The following CCDC7 variants were observed in gnomAD, a reference collection of about 807,000 sequenced individuals.
CCDC7 encodes coiled-coil domain-containing protein 7.
In CCDC7, 183 loss-of-function variants were observed where a neutral mutation model predicts 196.9. The ratio of observed to expected loss-of-function variants is 0.93; its 90% CI spans 0.82 to 1.05. The LOEUF (loss-of-function observed/expected upper bound fraction) is 1.05. CCDC7 is among the 50% of genes least tolerant of loss of function. The pLI is 0.00. For missense variants in CCDC7, 1,540 were observed against 1,482.2 expected (o/e 1.04, Z -0.64); for synonymous variants, 525 against 484.6 (o/e 1.08, Z -1.10).
At chr10:32,834,943 G>T (rs370898489) in intron 33 of CCDC7, 45 bp downstream of exon 34, 235 of 779,574 alleles carry the variant, frequency 3.0e-4, no homozygotes, top group Admixed American at 9.2e-4. Context: ...GGCTTATTTA[G>T]CTCTGAAGTT....
chr10:32,452,982 C>T (rs540656717), intron 1 of CCDC7, among the ~76,000 whole-genome samples: 44 of 152,224 alleles, frequency 2.9e-4, no homozygotes, highest in Non-Finnish European at 4.6e-4. Flanking sequence ...TGGTCTCCAT[C>T]TTTCTATTTC....
intron 20 of CCDC7, among the ~76,000 whole-genome samples, chr10:32,663,335 A>T (rs955660277): frequency 2.0e-5 from 3 of 152,194 alleles, no homozygotes; most frequent in African/African-American, 7.2e-5. Flanking sequence ...AGTGCTAGGA[A>T]CATGCTTAGA....
intron 28 of CCDC7, among the ~76,000 whole-genome samples, chr10:32,735,686 A>G (rs964341777): frequency 8.5e-5 from 13 of 152,138 alleles, no homozygotes; most frequent in African/African-American, 2.9e-4. Flanking sequence ...AGTAAGTACA[A>G]CTTATCAATT....
intron 41 of CCDC7, among the ~76,000 whole-genome samples, chr10:32,875,813 A>G (rs2094581190): frequency 6.6e-6 from 1 of 151,970 alleles, no homozygotes; most frequent in South Asian, 2.1e-4. Context: ...TACTAAGTTA[A>G]TTTTGTTGTG....
At chr10:32,634,943 C>G in intron 19 of CCDC7, 114 bp from the exon 21 acceptor site, 3 of 394,122 alleles carry the variant, frequency 7.6e-6, no homozygotes, top group Non-Finnish European at 8.9e-6. Flanking sequence ...TAACGAATAC[C>G]TCACTGCTGT....
intron 11 of CCDC7, among the ~76,000 whole-genome samples, chr10:32,523,856 T>G (rs1376849321): frequency 3.3e-5 from 5 of 152,144 alleles, no homozygotes; most frequent in African/African-American, 9.6e-5. Context: ...ATATTTTCTG[T>G]CTATGTGTCT....
chr10:32,707,958 T>G (rs536065119), intron 24 of CCDC7, among the ~76,000 whole-genome samples: 1 of 152,180 alleles, frequency 6.6e-6, no homozygotes, highest in East Asian at 1.9e-4. Context: ...CTTCACAGAA[T>G]TGGAAAAAAC....
intron 24 of CCDC7, among the ~76,000 whole-genome samples, chr10:32,704,685 T>A (rs1446974020): frequency 6.6e-6 from 1 of 152,154 alleles, no homozygotes; most frequent in Non-Finnish European, 1.5e-5. Context: ...CCGCTTTTTT[T>A]AGCTACTCAA....
At chr10:32,632,540 T>G (rs980139005) in intron 18 of CCDC7, among the ~76,000 whole-genome samples, 3 of 151,998 alleles carry the variant, frequency 2.0e-5, no homozygotes, top group Admixed American at 1.3e-4. Context: ...GAAGTTTTGT[T>G]GACTGAGGTC....
intron 29 of CCDC7, among the ~76,000 whole-genome samples, chr10:32,780,432 T>C (rs2080859730): frequency 6.6e-6 from 1 of 152,210 alleles, no homozygotes; most frequent in Non-Finnish European, 1.5e-5. Context: ...TAAAAATAAT[T>C]ACAAATTTAT....
intron 24 of CCDC7, among the ~76,000 whole-genome samples, chr10:32,703,761 C>A (rs2079177641): frequency 6.6e-6 from 1 of 151,954 alleles, no homozygotes; most frequent in Non-Finnish European, 1.5e-5. Flanking sequence ...TCATTTCATT[C>A]ATTTGATCTT....
rs75178895 is a variant in CCDC7 at position 32,782,646 on chromosome 10, C to T, written c.3013+3562C>T. Among the ~76,000 whole-genome samples, 271 of 152,272 alleles carry T rather than the reference C, an allele frequency of 1.8e-3. 5 individuals are homozygous for T. The East Asian group carries it at 0.047, about 26-fold the overall frequency. ...GAGGTTATTGTTGCAAAATAGAAAA[C>T]CCTATCTTAAAAATCATAGGAATAC... On this transcript the variant is annotated intron_variant, in intron 29 of 41. Coordinates refer to ENST00000639629, the Ensembl canonical transcript of CCDC7.
At chr10:32,480,093 C>A (rs571430524) in intron 8 of CCDC7, among the ~76,000 whole-genome samples, 1 of 151,830 alleles carries the variant, frequency 6.6e-6, no homozygotes, top group Admixed American at 6.6e-5. Context: ...GCTGTTTTTT[C>A]TTAGTCCAGC....
chr10:32,777,823 C>T (rs944088028), intron 28 of CCDC7, among the ~76,000 whole-genome samples: 1 of 152,198 alleles, frequency 6.6e-6, no homozygotes, highest in African/African-American at 2.4e-5. Context: ...AAGATCGTGC[C>T]ACTGCACTCC....
At chr10:32,830,701 T>A (rs113186706) in intron 32 of CCDC7, among the ~76,000 whole-genome samples, 1,563 of 152,140 alleles carry the variant, frequency 0.01, 15 homozygotes, top group Non-Finnish European at 0.018. Flanking sequence ...TGAAGAAAAA[T>A]TCACTAGAGG....
intron 13 of CCDC7, among the ~76,000 whole-genome samples, chr10:32,552,500 T>C (rs942423706): frequency 6.6e-6 from 1 of 152,222 alleles, no homozygotes; most frequent in African/African-American, 2.4e-5. Flanking sequence ...CTTGTATTTA[T>C]GTTTTATAGA....
At chr10:32,608,534 A>T (rs1345613518) in intron 18 of CCDC7, among the ~76,000 whole-genome samples, 1 of 150,676 alleles carries the variant, frequency 6.6e-6, no homozygotes, top group Non-Finnish European at 1.5e-5. Context: ...TTTGACTTCC[A>T]TGTTTTTTTA....
intron 29 of CCDC7, among the ~76,000 whole-genome samples, chr10:32,796,690 G>C (rs1313323248): frequency 6.6e-6 from 1 of 152,096 alleles, no homozygotes; most frequent in Non-Finnish European, 1.5e-5. Context: ...CTTTGCACTT[G>C]CTTTTCACAC....
intron 21 of CCDC7, among the ~76,000 whole-genome samples, chr10:32,680,815 C>G (rs2075756316): frequency 6.6e-6 from 1 of 152,122 alleles, no homozygotes; most frequent in Non-Finnish European, 1.5e-5. Flanking sequence ...AGCAGAGGTC[C>G]TTGGGTAATG....
Sources: gnomAD v4.1 joint callset for allele counts (sites outside exome capture counted in the v4.1 genomes callset) on GRCh38, gnomAD v4.1.1 for gene constraint, MANE v1.5 for transcripts, NCBI Gene and HGNC (gene_info 2026-07-23, HGNC 2026-07-21) for gene names.